Variants in USH1G observed in about 807,000 individuals in gnomAD.
USH1G encodes the protein USH1 protein network component sans.
USH1G carries 27 observed loss-of-function variants against 31.9 expected under a neutral mutation model. That is an observed-to-expected ratio of 0.85 (90% confidence interval 0.62 to 1.17). USH1G has a LOEUF of 1.17. Among genes scored for constraint, USH1G ranks in the 50% most tolerant of loss-of-function variants. The probability of loss-of-function intolerance (pLI) is 0.00; values close to 1 mark genes in which losing one functional copy is unlikely to be tolerated. For missense variants in USH1G, 674 were observed against 638.9 expected (o/e 1.05, Z -0.59); for synonymous variants, 266 against 283.2 (o/e 0.94, Z 0.61).
rs1186489140 is a variant in USH1G, at chr17:74,916,232, G to GAGA, written c.*1838_*1840dup. On this transcript the variant is annotated 3_prime_UTR_variant, in exon 3 of 3. Transcript: ENST00000614341. ...GGCAGTAAACGGACGAGGAACAGGA[G>GAGA]AGAAGGGGCAGCACCTGGGGCTCTG... 6.6e-6 allele frequency: 1 copy of GAGA among 152,502 alleles called. No individual in the cohort carries two copies. The highest frequency in any genetic ancestry group is 1.5e-5 in the Non-Finnish European group (1 of 68,230). The allele number at this position is 152,502 out of a possible 1,614,324, so 9.4% of individuals were successfully genotyped here.
Position 74,922,986 on chromosome 17 carries a change from C to T in USH1G, c.88G>A (p.Glu30Lys). 1.3e-6 allele frequency: 2 copies of T among 1,563,142 alleles called. No individual in the cohort carries two copies. The highest frequency in any genetic ancestry group is 8.7e-7 in the Non-Finnish European group (1 of 1,152,334). The change falls in exon 1 of 3, where the codon GAG (glutamate) becomes AAG (lysine). Residue 30 changes from glutamate (E) to lysine (K), a missense_variant. Transcript: ENST00000614341. ...ATRKELNAPD[E>K]DGMTPTLWAA... ...CAGAGAGTGGGGGTCATGCCATCCT[C>T]GTCGGGGGCATTCAGCTCCTTTCGG...
rs876657419 is a variant in USH1G, at chr17:74,923,028, G to C, written c.46C>G (p.Leu16Val). ...HRAARDGYLELLKEATRKELN... is the reference protein window; with the variant it reads ...HRAARDGYLEVLKEATRKELN... Reference sequence around the variant, plus strand: ...TCCTTTCGGGTGGCCTCCTTGAGGAGCTCCAGGTAGCCATCCCGGGCTGCC... The same window carrying C: ...TCCTTTCGGGTGGCCTCCTTGAGGACCTCCAGGTAGCCATCCCGGGCTGCC... The change falls in exon 1 of 3, where the codon CTC (leucine) becomes GTC (valine). Residue 16 changes from leucine to valine, a missense_variant. Transcript: ENST00000614341. The surrounding 1 kb of genome is among the most constrained non-coding windows in gnomAD (Gnocchi z 5.3). 8.8e-6 allele frequency: 14 copies of C among 1,583,152 alleles called. No individual in the cohort carries two copies. Among genetic ancestry groups the C allele is most frequent in the Non-Finnish European group, 1.2e-5 (14 of 1,163,406 alleles).
Position 74,917,999 on chromosome 17 carries a change from G to A in USH1G, c.*74C>T, listed in dbSNP as rs1240168782. ...GAAGGGGGCTGCAGGGCTGGCAACT[G>A]TGAGGACCTCGAGACCCCACCATAG... is the stretch of plus-strand genomic sequence containing the variant. On this transcript the variant is annotated 3_prime_UTR_variant, in exon 3 of 3. Transcript: ENST00000614341. The A allele has an allele frequency of 1.2e-6, 2 of 1,603,406 alleles. No individual in the cohort carries two copies. Among genetic ancestry groups the A allele is most frequent in the Non-Finnish European group, 1.7e-6 (2 of 1,171,372 alleles).
rs746314509 is a variant in USH1G, at chr17:74,920,708, T to C, written c.165-37A>G. 6.2e-7 allele frequency: 1 copy of C among 1,606,632 alleles called. No homozygotes were observed. Among genetic ancestry groups the C allele is most frequent in the Non-Finnish European group, 8.5e-7 (1 of 1,176,582 alleles). On this transcript the variant is annotated intron_variant, in intron 1 of 2. Transcript: ENST00000614341. The surrounding 1 kb of genome is among the most constrained non-coding windows in gnomAD (Gnocchi z 5.2). Reference sequence around the variant, plus strand: ...GCATTCAGGAGGGACGAGTGACGAGTCCTGGCTGGGGATGGAGGTGGAGGG... The same window carrying C: ...GCATTCAGGAGGGACGAGTGACGAGCCCTGGCTGGGGATGGAGGTGGAGGG...
chr17:74,917,863 T>G lies in USH1G; in HGVS notation c.*210A>C, dbSNP rs372221620. 4.1e-5 allele frequency: 27 copies of G among 650,778 alleles called. No individual in the cohort carries two copies. In the East Asian group the frequency reaches 5.8e-4, roughly 14 times the overall value. The allele number at this position is 650,778 out of a possible 1,614,324, so 40.3% of individuals were successfully genotyped here. ...CAGGGCCTTCAAGACCCCTCAGAAC[T>G]GGAGTTCCGGAACATTCTCTTGCCC... On this transcript the variant is annotated 3_prime_UTR_variant, in exon 3 of 3. Transcript: ENST00000614341.
At position 74,916,939 on chromosome 17, in the gene USH1G, GCA is replaced by G. The variant is rs768758380; in HGVS notation, c.*1132_*1133del. ...CACACACACATGCACACACATGCAT[GCA>G]CACACACAAACACGCACGCGTTCAC... On this transcript the variant is annotated 3_prime_UTR_variant, in exon 3 of 3. Transcript: ENST00000614341. 4.4e-4 allele frequency: 67 copies of G among 152,678 alleles called. No individual in the cohort carries two copies. The highest frequency in any genetic ancestry group is 6.7e-3 in the Middle Eastern group (2 of 300). The allele number at this position is 152,678 out of a possible 1,614,324, so 9.5% of individuals were successfully genotyped here. A position where few individuals can be genotyped will look rare whatever the true frequency, so the allele number is the denominator to read the frequency against.
chr17:74,917,698 A>G lies in USH1G; in HGVS notation c.*375T>C. ...AAGACCATCAGGGGAGGGGTGGGAG[A>G]GGCCACGGCGCCCGGGACAGGTGCA... On this transcript the variant is annotated 3_prime_UTR_variant, in exon 3 of 3. Transcript: ENST00000614341. The G allele has an allele frequency of 3.1e-6, 1 of 324,166 alleles. No individual in the cohort carries two copies. 20.1% of individuals were successfully genotyped at this position (324,166 alleles called of 1,614,324 possible).
At position 74,920,140 on chromosome 17, in the gene USH1G, C is replaced by T. The variant is rs1337958200; in HGVS notation, c.696G>A (p.Lys232=). 4 of 1,602,588 alleles carry T rather than the reference C, an allele frequency of 2.5e-6. No homozygotes were observed. The highest frequency in any genetic ancestry group is 4.5e-5 in the East Asian group (2 of 44,876). The part of the protein sequence containing the change: ...RRKQGGEGTF[K]VSEDGRKSAR... ...CGCTCTTGCGCCCATCCTCGGAGAC[C>T]TTGAAGGTGCCTTCGCCGCCCTGCT... The change falls in exon 2 of 3, where the codon AAG becomes AAA. Residue 232 remains lysine (K), a synonymous_variant. Coordinates refer to ENST00000614341, the MANE Select transcript of USH1G (RefSeq NM_173477.5). This position sits in a 1 kb window ranked among gnomAD's most constrained non-coding sequence, Gnocchi z 5.2.
In USH1G at chr17:74,920,726, GT is replaced by G; in HGVS notation, c.165-56del. 1 of 1,603,082 alleles carries G rather than the reference GT, an allele frequency of 6.2e-7. No individual in the cohort carries two copies. The highest frequency in any genetic ancestry group is 1.1e-5 in the South Asian group (1 of 90,246). On this transcript the variant is annotated intron_variant, in intron 1 of 2. Coordinates refer to ENST00000614341, the MANE Select transcript of USH1G (RefSeq NM_173477.5). The surrounding 1 kb of genome is among the most constrained non-coding windows in gnomAD (Gnocchi z 5.2). ...TGACGAGTCCTGGCTGGGGATGGAG[GT>G]GGAGGGAGTGGAGGGGGGAGGGGAG...
At position 74,920,977 on chromosome 17, in the gene USH1G, G is replaced by A. The variant is rs1481687918; in HGVS notation, c.165-306C>T. 6.6e-6 allele frequency among the ~76,000 whole-genome samples: 1 copy of A among 152,204 alleles called. No homozygotes were observed. Among genetic ancestry groups the A allele is most frequent in the African/African-American group, 2.4e-5 (1 of 41,452 alleles). ...GAATCTCAGGGGATGAATATTTGATGCCCTGAGAGAAGGGAGTAAATTATT... is the reference window on the plus strand; with the variant it reads ...GAATCTCAGGGGATGAATATTTGATACCCTGAGAGAAGGGAGTAAATTATT... On this transcript the variant is annotated intron_variant, in intron 1 of 2. Coordinates refer to ENST00000614341, the MANE Select transcript of USH1G (RefSeq NM_173477.5). The surrounding 1 kb of genome is among the most constrained non-coding windows in gnomAD (Gnocchi z 5.2).
In USH1G at chr17:74,920,147, G is replaced by T; in HGVS notation, c.689C>A (p.Thr230Asn). 1 of 1,602,312 alleles carries T rather than the reference G, an allele frequency of 6.2e-7. No individual in the cohort carries two copies. The change falls in exon 2 of 3, where the codon ACC (threonine) becomes AAC (asparagine). Residue 230 changes from threonine to asparagine, a missense_variant. Physicochemically the swap from Thr to Asn is moderately conservative, Grantham distance 65. Transcript: ENST00000614341. This position sits in a 1 kb window ranked among gnomAD's most constrained non-coding sequence, Gnocchi z 5.2. ...GCGCCCATCCTCGGAGACCTTGAAG[G>T]TGCCTTCGCCGCCCTGCTTGCGCCG... Reference protein sequence around the residue: ...LERRKQGGEGTFKVSEDGRKS... With the variant: ...LERRKQGGEGNFKVSEDGRKS...
chr17:74,919,189 A>G lies in USH1G; in HGVS notation c.1382+265T>C, dbSNP rs1414621820. 1.3e-5 allele frequency among the ~76,000 whole-genome samples: 2 copies of G among 152,218 alleles called. No homozygotes were observed. Among genetic ancestry groups the G allele is most frequent in the East Asian group, 3.9e-4 (2 of 5,188 alleles). On this transcript the variant is annotated intron_variant, in intron 2 of 2. Coordinates refer to ENST00000614341, the MANE Select transcript of USH1G (RefSeq NM_173477.5). The surrounding 1 kb of genome is among the most constrained non-coding windows in gnomAD (Gnocchi z 4.5). ...GAAATTCATTGACATTAAGAGGCCC[A>G]TTTCCCCACTTGTCGATGTCCCCAG...
Position 74,921,903 on chromosome 17 carries a change from G to A in USH1G, c.164+1007C>T, listed in dbSNP as rs1245697505. ...TGCTCCCACCTGATGCTGGGCCCAA[G>A]GAGCAGCCCAAGGAGAGGGCAAGAA... On this transcript the variant is annotated intron_variant, in intron 1 of 2. Coordinates refer to ENST00000614341, the MANE Select transcript of USH1G (RefSeq NM_173477.5). This position sits in a 1 kb window ranked among gnomAD's most constrained non-coding sequence, Gnocchi z 4.6. Among the ~76,000 whole-genome samples the A allele has an allele frequency of 2.0e-5, 3 of 152,152 alleles. No individual in the cohort carries two copies. The highest frequency in any genetic ancestry group is 4.4e-5 in the Non-Finnish European group (3 of 68,010).
Position 74,919,965 on chromosome 17 carries a change from C to T in USH1G, c.871G>A (p.Glu291Lys), listed in dbSNP as rs1477384047. 6.2e-6 allele frequency: 10 copies of T among 1,611,526 alleles called. No individual in the cohort carries two copies. The highest frequency in any genetic ancestry group is 8.5e-6 in the Non-Finnish European group (10 of 1,178,972). ...DSVSRATLAA[E>K]PAHSEVSTDS... Reference sequence around the variant, plus strand: ...GTGCTGACCTCCGAGTGGGCAGGCTCGGCCGCCAGCGTGGCACGGGAGACG... The same window carrying T: ...GTGCTGACCTCCGAGTGGGCAGGCTTGGCCGCCAGCGTGGCACGGGAGACG... The change falls in exon 2 of 3, where the codon GAG becomes AAG. Residue 291 changes from glutamate to lysine, a missense_variant. Physicochemically the swap from Glu to Lys is moderately conservative, Grantham distance 56. Transcript: ENST00000614341. This position sits in a 1 kb window ranked among gnomAD's most constrained non-coding sequence, Gnocchi z 4.5.
At position 74,919,764 on chromosome 17, in the gene USH1G, C is replaced by T; in HGVS notation, c.1072G>A (p.Gly358Ser). ...CGGTCCTGCAGGCTGTTGGCACTGC[C>T]CAGGCTGTCATCGTCCAGGCTGGGG... ...SSPSLDDDSL[G>S]SANSLQDRSC... The change falls in exon 2 of 3, where the codon GGC (glycine) becomes AGC (serine). Residue 358 changes from glycine (G) to serine (S), a missense_variant. Transcript: ENST00000614341. This position sits in a 1 kb window ranked among gnomAD's most constrained non-coding sequence, Gnocchi z 4.5. 1 of 1,612,946 alleles carries T rather than the reference C, an allele frequency of 6.2e-7. No individual in the cohort carries two copies. The highest frequency in any genetic ancestry group is 8.5e-7 in the Non-Finnish European group (1 of 1,179,994).
rs2038894264 is a variant in USH1G at position 74,918,686 on chromosome 17, G to A, written c.1383-610C>T. 1.3e-5 allele frequency among the ~76,000 whole-genome samples: 2 copies of A among 152,046 alleles called. No homozygotes were observed. Among genetic ancestry groups the A allele is most frequent in the South Asian group, 4.1e-4 (2 of 4,828 alleles). On this transcript the variant is annotated intron_variant, in intron 2 of 2. Coordinates refer to ENST00000614341, the MANE Select transcript of USH1G (RefSeq NM_173477.5). The surrounding 1 kb of genome is among the most constrained non-coding windows in gnomAD (Gnocchi z 4.1). ...ACAGAAATTAGCTGGGCATGGTGGTGCACTCCTGTAATCCCAGCTACTCAG... is the reference window on the plus strand; with the variant it reads ...ACAGAAATTAGCTGGGCATGGTGGTACACTCCTGTAATCCCAGCTACTCAG...
At chr17:74,922,871 T>C (rs2038961720) in intron 1 of USH1G, 39 bp downstream of exon 1, 3 of 1,530,056 alleles carry the variant, frequency 2.0e-6, no homozygotes, top group Non-Finnish European at 2.6e-6. Flanking sequence ...TTTGGGGTGG[T>C]CTCAGGGGCC....
In USH1G at chr17:74,917,397, G is replaced by C. The variant is rs1428104237; in HGVS notation, c.*676C>G. On this transcript the variant is annotated 3_prime_UTR_variant, in exon 3 of 3. Coordinates refer to ENST00000614341, the MANE Select transcript of USH1G (RefSeq NM_173477.5). ...AAAAGGGGGAGGTTGGAGGAAGACA[G>C]GCCAGGCTCCACCCCTGGATGAGCT... 6.5e-6 allele frequency: 1 copy of C among 154,104 alleles called. No homozygotes were observed. The highest frequency in any genetic ancestry group is 1.4e-5 in the Non-Finnish European group (1 of 69,294). The allele number at this position is 154,104 out of a possible 1,614,324, so 9.5% of individuals were successfully genotyped here. A position where few individuals can be genotyped will look rare whatever the true frequency, so the allele number is the denominator to read the frequency against.
chr17:74,919,596 C>A lies in USH1G; in HGVS notation c.1240G>T (p.Asp414Tyr), dbSNP rs774909603. Residue 414 changes from aspartate (D) to tyrosine (Y), a missense_variant, in exon 2 of 3, where the codon GAC (aspartate) becomes TAC (tyrosine). Transcript: ENST00000614341. This position sits in a 1 kb window ranked among gnomAD's most constrained non-coding sequence, Gnocchi z 4.5. ...GAGCACAGCATCAAAGCCTCGAGGT[C>A]GATCTTCTCCTGCCGCAGGAGGGCG... ...FAALLRQEKI[D>Y]LEALMLCSDL... is the part of the protein sequence containing the mutation. The A allele has an allele frequency of 2.5e-6, 4 of 1,612,736 alleles. No homozygotes were observed. The South Asian group carries it at 4.4e-5, about 18-fold the overall frequency.
Sources: allele counts gnomAD v4.1 joint callset (sites outside exome capture counted in the v4.1 genomes callset), GRCh38; gene constraint gnomAD v4.1.1; non-coding constraint Gnocchi (gnomAD v3.1); transcripts MANE v1.5; gene names NCBI Gene and HGNC (gene_info 2026-07-23, HGNC 2026-07-21).